RSRC1: variants seen among roughly 807,000 people sequenced by gnomAD.
RSRC1 encodes arginine and serine rich coiled-coil 1, also known as serine/Arginine-related protein 53.
In RSRC1, 39 loss-of-function variants were observed where a neutral mutation model predicts 49.1. The observed-to-expected ratio is 0.79, with a 90% confidence interval of 0.61 to 1.04. RSRC1 has a LOEUF of 1.04. Among genes scored for constraint, RSRC1 ranks in the 50% least tolerant of loss-of-function variants. The pLI is 0.00. For synonymous variants in RSRC1, 143 were observed against 130.8 expected (o/e 1.09, Z -0.63); for missense variants, 388 against 402.4 (o/e 0.96, Z 0.31).
At chr3:158,305,598 A>G (rs995600468) in intron 5 of RSRC1, among the ~76,000 whole-genome samples, 3 of 152,058 alleles carry the variant, frequency 2.0e-5, no homozygotes, top group Non-Finnish European at 2.9e-5. Context: ...AACTTAAGTA[A>G]CTGTAGAGAG....
At chr3:158,380,259 A>G (rs1195587955) in intron 6 of RSRC1, among the ~76,000 whole-genome samples, 1 of 152,198 alleles carries the variant, frequency 6.6e-6, no homozygotes, top group African/African-American at 2.4e-5. Context: ...TTTATAAATG[A>G]TATCACAGAT....
intron 3 of RSRC1, among the ~76,000 whole-genome samples, chr3:158,175,422 A>C (rs750564941): frequency 6.6e-6 from 1 of 152,052 alleles, no homozygotes; most frequent in East Asian, 1.9e-4. Context: ...TAGAAACTCT[A>C]TCATTGTATC....
At chr3:158,318,548 G>A (rs1728590978) in intron 5 of RSRC1, among the ~76,000 whole-genome samples, 1 of 152,154 alleles carries the variant, frequency 6.6e-6, no homozygotes, top group South Asian at 2.1e-4. Flanking sequence ...CAAGAGGATT[G>A]CCTCATATGT....
intron 7 of RSRC1, among the ~76,000 whole-genome samples, chr3:158,506,564 A>G (rs1395925344): frequency 6.6e-6 from 1 of 152,048 alleles, no homozygotes; most frequent in East Asian, 1.9e-4. Context: ...CCAACAGTAT[A>G]TGAAAAAATG....
intron 4 of RSRC1, among the ~76,000 whole-genome samples, chr3:158,235,221 T>A (rs1723175803): frequency 6.6e-6 from 1 of 152,160 alleles, no homozygotes; most frequent in African/African-American, 2.4e-5. Flanking sequence ...AAAATGATTT[T>A]TTACATTCTG....
intron 7 of RSRC1, among the ~76,000 whole-genome samples, chr3:158,529,633 G>T (rs1454745456): frequency 6.6e-6 from 1 of 151,868 alleles, no homozygotes; most frequent in East Asian, 1.9e-4. Context: ...AGCTCATCTG[G>T]CCTTCTAAAC....
intron 3 of RSRC1, among the ~76,000 whole-genome samples, chr3:158,149,320 G>A (rs962093899): frequency 1.3e-5 from 2 of 152,078 alleles, no homozygotes; most frequent in Non-Finnish European, 1.5e-5. Context: ...CTGAGTGAGG[G>A]AATCTGATTG....
chr3:158,518,148 A>ATATATTTTTTTTTTTTTT (rs1310027981), intron 7 of RSRC1, among the ~76,000 whole-genome samples: 3 of 44,142 alleles, frequency 6.8e-5, no homozygotes, highest in African/African-American at 4.6e-4. Flanking sequence ...ATATATATAT[A>ATATATTTTTTTTTTTTTT]TTTTTTTTTT....
intron 6 of RSRC1, among the ~76,000 whole-genome samples, chr3:158,367,482 A>C (rs2108262073): frequency 6.6e-6 from 1 of 152,282 alleles, no homozygotes; most frequent in African/African-American, 2.4e-5. Flanking sequence ...CCCAGGGATG[A>C]AGCTGACTTG....
intron 7 of RSRC1, among the ~76,000 whole-genome samples, chr3:158,511,270 C>T (rs1449845737): frequency 1.3e-5 from 2 of 152,052 alleles, no homozygotes; most frequent in Non-Finnish European, 2.9e-5. Context: ...CCCTACCCCA[C>T]AGCAGTCCCC....
At chr3:158,488,318 TG>T (rs1455591811) in intron 7 of RSRC1, among the ~76,000 whole-genome samples, 2 of 152,208 alleles carry the variant, frequency 1.3e-5, no homozygotes, top group Non-Finnish European at 2.9e-5. Context: ...TTGACAGCTT[TG>T]TTTTTCTTAC....
intron 5 of RSRC1, among the ~76,000 whole-genome samples, chr3:158,334,386 AT>A (rs1729740525): frequency 6.6e-6 from 1 of 152,184 alleles, no homozygotes; most frequent in Non-Finnish European, 1.5e-5. Context: ...GTCTAATGTC[AT>A]AAGTAACTGA....
chr3:158,341,815 G>A (rs1012484870), intron 5 of RSRC1, among the ~76,000 whole-genome samples: 16 of 152,112 alleles, frequency 1.1e-4, no homozygotes, highest in East Asian at 1.9e-4. Context: ...GAAAGCAGCC[G>A]GGAGGGAGGC....
At chr3:158,533,417 T>C (rs1712524956) in intron 7 of RSRC1, among the ~76,000 whole-genome samples, 1 of 151,736 alleles carries the variant, frequency 6.6e-6, no homozygotes, top group Non-Finnish European at 1.5e-5. Context: ...TCTCCTTCTT[T>C]CCTTTATAAT....
chr3:158,472,848 T>G (rs1738196761), intron 7 of RSRC1, among the ~76,000 whole-genome samples: 1 of 152,210 alleles, frequency 6.6e-6, no homozygotes, highest in Non-Finnish European at 1.5e-5. Flanking sequence ...TTAGTTTAAT[T>G]AGATCCCATT....
At chr3:158,383,967 G>C (rs1301100570) in intron 6 of RSRC1, among the ~76,000 whole-genome samples, 2 of 151,880 alleles carry the variant, frequency 1.3e-5, no homozygotes, top group East Asian at 1.9e-4. Context: ...TAATTGAGAA[G>C]CATTAATTGT....
intron 8 of RSRC1, among the ~76,000 whole-genome samples, chr3:158,538,368 C>T (rs980708595): frequency 2.6e-5 from 4 of 151,758 alleles, no homozygotes; most frequent in Non-Finnish European, 5.9e-5. Flanking sequence ...CACCACAACT[C>T]CTAAAAAAAT....
intron 7 of RSRC1, among the ~76,000 whole-genome samples, chr3:158,487,874 C>T (rs1180529884): frequency 2.2e-5 from 3 of 137,086 alleles, no homozygotes; most frequent in African/African-American, 5.5e-5. Context: ...TGCTTGAACC[C>T]GGGAGGTGGA....
intron 5 of RSRC1, among the ~76,000 whole-genome samples, chr3:158,349,047 A>G (rs532459194): frequency 1.8e-4 from 27 of 151,768 alleles, no homozygotes; most frequent in African/African-American, 6.3e-4. Flanking sequence ...TAACACTGCA[A>G]TCAAGTGTCT....
Sources: gnomAD v4.1 joint callset for allele counts (sites outside exome capture counted in the v4.1 genomes callset) on GRCh38, gnomAD v4.1.1 for gene constraint, MANE v1.5 for transcripts, NCBI Gene and HGNC (gene_info 2026-07-23, HGNC 2026-07-21) for gene names.